The following PRKN variants were observed in gnomAD, a reference collection of about 807,000 sequenced individuals.
PRKN encodes E3 ubiquitin-protein ligase parkin.
In PRKN, 56 loss-of-function variants were observed where a neutral mutation model predicts 59.5. The observed-to-expected ratio is 0.94, with a 90% confidence interval of 0.76 to 1.18. The LOEUF (loss-of-function observed/expected upper bound fraction) is 1.18, where lower values mean the gene tolerates loss of function less well. Among genes scored for constraint, PRKN ranks in the 50% most tolerant of loss-of-function variants. The pLI is 0.00. For synonymous variants in PRKN, 250 were observed against 222.1 expected (o/e 1.13, Z -1.12); for missense variants, 657 against 596.4 (o/e 1.10, Z -1.06).
intron 6 of PRKN, among the ~76,000 whole-genome samples, chr6:161,901,731 A>G (rs545433247): frequency 6.6e-6 from 1 of 152,336 alleles, no homozygotes; most frequent in South Asian, 2.1e-4. Flanking sequence ...TGATTGTTAC[A>G]TTTTGTAAAT....
chr6:162,180,479 C>G lies in PRKN; in HGVS notation c.534+20652G>C, dbSNP rs1783756050. ...AGAAAGTCATCAGGTCTCGAATATACTATAAACATATGTGTTTACAGTCTC... is the reference window on the plus strand; with the variant it reads ...AGAAAGTCATCAGGTCTCGAATATAGTATAAACATATGTGTTTACAGTCTC... On this transcript the variant is annotated intron_variant, in intron 4 of 11. Transcript: ENST00000366898. 2.6e-5 allele frequency among the ~76,000 whole-genome samples: 4 copies of G among 151,972 alleles called. No homozygotes were observed. The South Asian group carries it at 8.3e-4, about 32-fold the overall frequency.
intron 4 of PRKN, among the ~76,000 whole-genome samples, chr6:162,158,414 GCGT>G: frequency 1.4e-4 from 1 of 7,214 alleles, no homozygotes; most frequent in African/African-American, 1.9e-4. Flanking sequence ...TTGTTTGTTT[GCGT>G]TTTTTTTTTT....
rs76476991 is a variant in PRKN at position 161,552,711 on chromosome 6, G to A, written c.934-3708C>T. Among the ~76,000 whole-genome samples, 1,756 of 151,646 alleles carry A rather than the reference G, an allele frequency of 0.012. 40 individuals carry two copies. Among genetic ancestry groups the A allele is most frequent in the African/African-American group, 0.041 (1,680 of 41,362 alleles). On this transcript the variant is annotated intron_variant, in intron 8 of 11. Transcript: ENST00000366898. This position sits in a 1 kb window ranked among gnomAD's most constrained non-coding sequence, Gnocchi z 4.9. ...CAAGACACAGAACTTTACCAGGTCC[G>A]CCTGAAGCCCTCCATGTATCTATTC... is the stretch of plus-strand genomic sequence containing the variant.
intron 7 of PRKN, among the ~76,000 whole-genome samples, chr6:161,655,290 A>C (rs1469626719): frequency 6.6e-6 from 1 of 150,974 alleles, no homozygotes; most frequent in Non-Finnish European, 1.5e-5. Context: ...CTGGCCCCTC[A>C]TCACCACCAA....
intron 2 of PRKN, among the ~76,000 whole-genome samples, chr6:162,389,512 C>T (rs142215401): frequency 2.6e-5 from 4 of 152,236 alleles, no homozygotes; most frequent in South Asian, 2.1e-4. Context: ...ACAAAATAGA[C>T]GTACACACAG....
At chr6:161,381,571 A>C (rs1378446870) in intron 10 of PRKN, among the ~76,000 whole-genome samples, 1 of 152,230 alleles carries the variant, frequency 6.6e-6, no homozygotes, top group Non-Finnish European at 1.5e-5. Flanking sequence ...AGGCAGATGG[A>C]AGGAACTGAG....
chr6:162,568,491 A>C, intron 1 of PRKN: 1 of 671,596 alleles, frequency 1.5e-6, no homozygotes, highest in Non-Finnish European at 2.7e-6. Flanking sequence ...CATGGGAGGC[A>C]TCACCGCCGT....
At chr6:161,621,598 T>A (rs1295747518) in intron 7 of PRKN, among the ~76,000 whole-genome samples, 1 of 152,026 alleles carries the variant, frequency 6.6e-6, no homozygotes, top group African/African-American at 2.4e-5. Flanking sequence ...CCCCAATCAA[T>A]CCACTTGGAC....
chr6:162,437,761 C>A (rs9346913), intron 2 of PRKN, among the ~76,000 whole-genome samples: 9,396 of 152,222 alleles, frequency 0.062, 327 homozygotes, highest in South Asian at 0.13. Flanking sequence ...TATCAACAGT[C>A]GGCTCCTTTT....
intron 9 of PRKN, among the ~76,000 whole-genome samples, chr6:161,404,203 G>A (rs1438005907): frequency 6.6e-6 from 1 of 152,054 alleles, no homozygotes; most frequent in Non-Finnish European, 1.5e-5. Context: ...CTAGACTCAA[G>A]TTCCCAGCTC....
At chr6:161,559,724 A>G (rs572579641) in intron 8 of PRKN, among the ~76,000 whole-genome samples, 4 of 152,144 alleles carry the variant, frequency 2.6e-5, no homozygotes, top group Non-Finnish European at 4.4e-5. Context: ...GAAGGGTGAC[A>G]TGTCATTGTC....
At chr6:162,069,116 T>C (rs767376267) in intron 4 of PRKN, among the ~76,000 whole-genome samples, 8 of 152,118 alleles carry the variant, frequency 5.3e-5, no homozygotes, top group Non-Finnish European at 1.0e-4. Context: ...AAATCTCAAC[T>C]TGAATTGTAT....
chr6:162,290,550 T>C (rs1308802124), intron 2 of PRKN, among the ~76,000 whole-genome samples: 1 of 152,212 alleles, frequency 6.6e-6, no homozygotes, highest in Non-Finnish European at 1.5e-5. Context: ...TTTTTATGAG[T>C]AATTTTTTAT....
intron 6 of PRKN, among the ~76,000 whole-genome samples, chr6:161,800,254 T>C (rs917668923): frequency 6.6e-6 from 1 of 152,062 alleles, no homozygotes; most frequent in Admixed American, 6.5e-5. Context: ...GTAGACAATA[T>C]GTTTGGGGCA....
chr6:162,379,702 C>T (rs944487625), intron 2 of PRKN, among the ~76,000 whole-genome samples: 2 of 152,134 alleles, frequency 1.3e-5, no homozygotes, highest in African/African-American at 2.4e-5. Flanking sequence ...GTTTCCTTGG[C>T]GTCTCCTGGG....
chr6:162,171,793 C>T (rs571906083), intron 4 of PRKN, among the ~76,000 whole-genome samples: 1 of 152,082 alleles, frequency 6.6e-6, no homozygotes, highest in Non-Finnish European at 1.5e-5. Flanking sequence ...GTGCATTTGC[C>T]TATGTGTATA....
At chr6:162,455,418 A>G (rs1047814456) in intron 1 of PRKN, among the ~76,000 whole-genome samples, 3 of 152,228 alleles carry the variant, frequency 2.0e-5, no homozygotes, top group Non-Finnish European at 2.9e-5. Flanking sequence ...CACCTAGGCT[A>G]TATGATATAG....
intron 2 of PRKN, among the ~76,000 whole-genome samples, chr6:162,280,796 C>CAAAAAAAAA (rs35943173): frequency 1.5e-4 from 6 of 41,352 alleles, no homozygotes; most frequent in East Asian, 8.0e-4. Context: ...GACTCCATCT[C>CAAAAAAAAA]AAAAAAAAAA....
intron 7 of PRKN, among the ~76,000 whole-genome samples, chr6:161,618,132 A>C (rs1160044267): frequency 6.6e-6 from 1 of 152,228 alleles, no homozygotes; most frequent in Non-Finnish European, 1.5e-5. Context: ...TTTACTACAC[A>C]TGTTCTAGCA....
Sources: gnomAD v4.1 joint callset for allele counts (sites outside exome capture counted in the v4.1 genomes callset) on GRCh38, gnomAD v4.1.1 for gene constraint, Gnocchi (gnomAD v3.1) non-coding constraint, MANE v1.5 for transcripts, NCBI Gene and HGNC (gene_info 2026-07-23, HGNC 2026-07-21) for gene names.